Variants in STRIP2 observed in about 807,000 individuals in gnomAD.
STRIP2 encodes striatin-interacting protein 2.
In STRIP2, 84 loss-of-function variants were observed where a neutral mutation model predicts 107.1. The observed-to-expected ratio is 0.78, with a 90% CI of 0.66 to 0.94. The LOEUF is 0.94. STRIP2 is among the 40% of genes least tolerant of loss of function. STRIP2 has a pLI of 0.00. For synonymous variants in STRIP2, 394 were observed against 400.4 expected (o/e 0.98, Z 0.19); for missense variants, 888 against 1,034.2 (o/e 0.86, Z 1.94).
rs767020600 is a variant in STRIP2, at chr7:129,459,521, A to G, written c.1345A>G (p.Thr449Ala). 1 of 1,614,020 alleles carries G rather than the reference A, an allele frequency of 6.2e-7. No homozygotes were observed. The highest frequency in any genetic ancestry group is 8.5e-7 in the Non-Finnish European group (1 of 1,179,974). Residue 449 changes from threonine (T) to alanine (A), a missense_variant, in exon 12 of 21, where the codon ACA becomes GCA. Physicochemically the swap from Thr to Ala is moderately conservative, Grantham distance 58. Transcript: ENST00000249344. Reference protein sequence around the residue: ...KFIGFTLGQDTDTLVGLPRPI... With the variant: ...KFIGFTLGQDADTLVGLPRPI... Reference sequence around the variant, plus strand: ...GGTATGTCTGGCCTTTTACAGGGACACAGATACATTGGTTGGATTACCCAG... The same window carrying G: ...GGTATGTCTGGCCTTTTACAGGGACGCAGATACATTGGTTGGATTACCCAG...
chr7:129,454,061 A>G, intron 5 of STRIP2, 81 bp from the exon 6 acceptor site: 1 of 1,338,882 alleles, frequency 7.5e-7, no homozygotes, highest in Non-Finnish European at 1.1e-6. Context: ...GCAAGCACTC[A>G]TATTTGTGTG....
chr7:129,445,238 C>T (rs1169033261), intron 3 of STRIP2, among the ~76,000 whole-genome samples: 2 of 152,110 alleles, frequency 1.3e-5, no homozygotes, highest in African/African-American at 2.4e-5. Flanking sequence ...TCCTTACCTC[C>T]GTTGTGGAGT....
chr7:129,439,893 T>C (rs1797851309), intron 1 of STRIP2, 129 bp from the exon 2 acceptor site: 1 of 704,910 alleles, frequency 1.4e-6, no homozygotes, highest in African/African-American at 1.8e-5. Flanking sequence ...CAAATAGGAC[T>C]CTCCTAACTG....
chr7:129,444,184 C>G, intron 3 of STRIP2, 86 bp downstream of exon 3: 1 of 936,756 alleles, frequency 1.1e-6, no homozygotes, highest in Non-Finnish European at 1.7e-6. Context: ...AAACAAAGTG[C>G]GATCCTTCAT....
intron 1 of STRIP2, 50 bp downstream of exon 1, chr7:129,434,651 G>C (rs1422526094): frequency 1.4e-6 from 2 of 1,430,558 alleles, no homozygotes; most frequent in East Asian, 5.8e-5. Context: ...CCCGCCGGCG[G>C]GAAGCGGCGG....
chr7:129,447,864 G>C (rs1469660001), intron 3 of STRIP2, among the ~76,000 whole-genome samples: 1 of 152,238 alleles, frequency 6.6e-6, no homozygotes, highest in African/African-American at 2.4e-5. Context: ...AGATTCATCT[G>C]TCTTCTGCAC....
In STRIP2 at chr7:129,485,678, C is replaced by CGA. The variant is rs754075675; in HGVS notation, c.2354_2355insGA (p.Glu786MetfsTer52). On this transcript the variant is annotated frameshift_variant, in exon 21 of 21. Coordinates refer to ENST00000249344, the MANE Select transcript of STRIP2 (RefSeq NM_020704.3). LOFTEE classifies it high-confidence loss of function. ...CGTCGCTATGACAGACCCCAGGACT[C>CGA]TGAGTTTTCACCTGTGGATAACTGC... 13 of 1,613,990 alleles carry CGA rather than the reference C, an allele frequency of 8.1e-6. No individual in the cohort carries two copies. Among genetic ancestry groups the CGA allele is most frequent in the Non-Finnish European group, 1.1e-5 (13 of 1,180,058 alleles).
At chr7:129,481,411 C>A (rs994299451) in intron 19 of STRIP2, among the ~76,000 whole-genome samples, 1 of 151,868 alleles carries the variant, frequency 6.6e-6, no homozygotes, top group Non-Finnish European at 1.5e-5. Flanking sequence ...GCAGGAGAAT[C>A]ATTTGAACCT....
chr7:129,473,389 T>G (rs1036109309), intron 18 of STRIP2, among the ~76,000 whole-genome samples: 1 of 152,224 alleles, frequency 6.6e-6, no homozygotes, highest in African/African-American at 2.4e-5. Flanking sequence ...GAAGACAGGG[T>G]CTTGCTTTGT....
Position 129,454,437 on chromosome 7 carries a change from A to T in STRIP2, c.616A>T (p.Met206Leu). ...STELRVLLSV[M>L]YLMVENIRLE... ...TAACCCCAGGGTGCTGCTGAGTGTT[A>T]TGTACCTAATGGTGGAAAATATTCG... The change falls in exon 7 of 21, where the codon ATG becomes TTG. Residue 206 changes from methionine (M) to leucine (L), a missense_variant. Physicochemically the swap from Met to Leu is conservative, Grantham distance 15 (BLOSUM62 2). Coordinates refer to ENST00000249344, the MANE Select transcript of STRIP2 (RefSeq NM_020704.3). 6.2e-7 allele frequency: 1 copy of T among 1,613,876 alleles called. No homozygotes were observed. The highest frequency in any genetic ancestry group is 8.5e-7 in the Non-Finnish European group (1 of 1,179,848).
chr7:129,456,370 C>T (rs533627735), intron 8 of STRIP2, 69 bp from the exon 9 acceptor site: 48 of 1,428,350 alleles, frequency 3.4e-5, no homozygotes, highest in Non-Finnish European at 4.1e-5. Flanking sequence ...ATCCATGTTT[C>T]CCTGACCTTG....
chr7:129,453,437 C>CT, intron 5 of STRIP2, 90 bp downstream of exon 5: 3 of 1,521,498 alleles, frequency 2.0e-6, no homozygotes, highest in Non-Finnish European at 2.7e-6. Flanking sequence ...ACTATAGAGA[C>CT]CCCCTGTGAG....
At position 129,475,414 on chromosome 7, in the gene STRIP2, A is replaced by C. The variant is rs1045279464; in HGVS notation, c.1944+4699A>C. Among the ~76,000 whole-genome samples the C allele has an allele frequency of 6.7e-4, 102 of 151,874 alleles. 1 individual carries two copies. Among genetic ancestry groups the C allele is most frequent in the Middle Eastern group, 3.4e-3 (1 of 294 alleles). On this transcript the variant is annotated intron_variant, in intron 18 of 20. Coordinates refer to ENST00000249344, the MANE Select transcript of STRIP2 (RefSeq NM_020704.3). Reference sequence around the variant, plus strand: ...GAGGGGGATTTGGCAGGGTCACAGGACAACAGTGGAGGGAAGGTCAGCAGA... The same window carrying C: ...GAGGGGGATTTGGCAGGGTCACAGGCCAACAGTGGAGGGAAGGTCAGCAGA...
intron 2 of STRIP2, among the ~76,000 whole-genome samples, chr7:129,442,110 A>G (rs1797915732): frequency 6.6e-6 from 1 of 152,176 alleles, no homozygotes; most frequent in South Asian, 2.1e-4. Flanking sequence ...CTGTAGTCCC[A>G]GCTACTGGGG....
Position 129,482,770 on chromosome 7 carries a change from G to T in STRIP2, c.2050-72G>T, listed in dbSNP as rs878862842. ...GAATTTCTGAGGCTAGCTAGGTTTG[G>T]TTTAATTTGTCTGTAAACTGGAAAT... On this transcript the variant is annotated intron_variant, in intron 19 of 20. Coordinates refer to ENST00000249344, the MANE Select transcript of STRIP2 (RefSeq NM_020704.3). The T allele has an allele frequency of 2.5e-6, 4 of 1,579,564 alleles. No homozygotes were observed. The South Asian group carries it at 3.4e-5, about 13-fold the overall frequency.
At chr7:129,462,858 C>A in intron 13 of STRIP2, 108 bp from the exon 14 acceptor site, 1 of 799,264 alleles carries the variant, frequency 1.3e-6, no homozygotes, top group Non-Finnish European at 2.1e-6. Context: ...AAACCTAGAT[C>A]TGACTCCCAG....
intron 13 of STRIP2, 155 bp downstream of exon 13, chr7:129,460,527 G>A: frequency 6.1e-6 from 4 of 660,688 alleles, no homozygotes; most frequent in South Asian, 1.8e-5. Context: ...ATTGAAGTTG[G>A]GGAAGAAAGA....
rs975942691 is a variant in STRIP2 at position 129,458,433 on chromosome 7, C to T, written c.1257C>T (p.Pro419=). The change falls in exon 10 of 21, where the codon CCC becomes CCT. Residue 419 remains proline, a synonymous_variant. Transcript: ENST00000249344. This position sits in a 1 kb window ranked among gnomAD's most constrained non-coding sequence, Gnocchi z 4.6. ...GGGTGGCTTTTCCCAAGGGCCTGCC[C>T]TGGGCCCCAAAGGTCAGGTAGGTTT... ...AERVAFPKGL[P]WAPKVRQKDI... is the part of the protein sequence containing the mutation. 3.2e-5 allele frequency: 51 copies of T among 1,599,532 alleles called. No homozygotes were observed. Among genetic ancestry groups the T allele is most frequent in the Non-Finnish European group, 4.2e-5 (49 of 1,173,400 alleles).
chr7:129,476,419 A>G (rs1210932487), intron 18 of STRIP2, among the ~76,000 whole-genome samples: 3 of 137,606 alleles, frequency 2.2e-5, no homozygotes, highest in Non-Finnish European at 4.7e-5. Context: ...CACTTCTCAG[A>G]CGGGGCGGCT....
Sources: gnomAD v4.1 joint callset for allele counts (sites outside exome capture counted in the v4.1 genomes callset) on GRCh38, gnomAD v4.1.1 for gene constraint, Gnocchi (gnomAD v3.1) non-coding constraint, MANE v1.5 for transcripts, NCBI Gene and HGNC (gene_info 2026-07-23, HGNC 2026-07-21) for gene names.